Variants in TENM3 observed in about 807,000 individuals in gnomAD.
TENM3 encodes the protein teneurin-3.
A neutral mutation model predicts 255.1 loss-of-function variants in TENM3; 63 were observed. The ratio of observed to expected loss-of-function variants is 0.25; its 90% CI spans 0.20 to 0.30. The LOEUF (loss-of-function observed/expected upper bound fraction) is 0.30, where lower values mean the gene tolerates loss of function less well. Ranked by LOEUF, TENM3 falls within the 10% of genes least tolerant of loss-of-function variation. The probability of loss-of-function intolerance (pLI) is 1.00; values close to 1 mark genes in which losing one functional copy is unlikely to be tolerated. For missense variants in TENM3, 2,929 were observed against 3,461.1 expected, an observed-to-expected ratio of 0.85 and a Z score of 3.86; for synonymous variants, 1,306 against 1,322.3, an observed-to-expected ratio of 0.99 and a Z score of 0.27.
chr4:182,378,349 G>C (rs901403742), intron 3 of TENM3, among the ~76,000 whole-genome samples: 1 of 152,176 alleles, frequency 6.6e-6, no homozygotes, highest in African/African-American at 2.4e-5. Flanking sequence ...GACAGACCTC[G>C]CACAAGTGAA....
In TENM3 at chr4:182,796,656, G is replaced by GAA; in HGVS notation, c.7234_7235insAA (p.Thr2412LysfsTer21). 6.2e-7 allele frequency: 1 copy of GAA among 1,609,638 alleles called. No individual in the cohort carries two copies. The highest frequency in any genetic ancestry group is 8.5e-7 in the Non-Finnish European group (1 of 1,178,058). On this transcript the variant is annotated frameshift_variant, in exon 27 of 28. Transcript: ENST00000511685. LOFTEE classifies it high-confidence loss of function. ...TCCTAGATGTTAACAGCTGGCTGGT[G>GAA]ACATTTGGTTTCCATCTGCACAATG...
chr4:182,527,434 A>C (rs1443126641), intron 3 of TENM3, among the ~76,000 whole-genome samples: 1 of 152,080 alleles, frequency 6.6e-6, no homozygotes, highest in Non-Finnish European at 1.5e-5. Context: ...TTACTAAAAC[A>C]AACCAAAAAA....
At chr4:182,021,493 G>C in the TENM3 span, among the ~76,000 whole-genome samples, 1 of 151,912 alleles carries the variant, frequency 6.6e-6, no homozygotes, top group Non-Finnish European at 1.5e-5. Flanking sequence ...ATCCCCCCCA[G>C]AAAACTTTAA....
intron 4 of TENM3, among the ~76,000 whole-genome samples, chr4:182,613,598 T>C (rs1581102900): frequency 6.6e-6 from 1 of 152,306 alleles, no homozygotes; most frequent in African/African-American, 2.4e-5. Context: ...GTGTGAAAGA[T>C]AGTACAGAAC....
chr4:182,797,781 C>T (rs1284709274), intron 27 of TENM3, among the ~76,000 whole-genome samples: 1 of 152,110 alleles, frequency 6.6e-6, no homozygotes, highest in Non-Finnish European at 1.5e-5. Flanking sequence ...TGCAGACTTT[C>T]TTAGGACAAT....
chr4:181,673,462 A>C, the TENM3 span, among the ~76,000 whole-genome samples: 1 of 152,218 alleles, frequency 6.6e-6, no homozygotes, highest in Non-Finnish European at 1.5e-5. Context: ...GATAAGAATT[A>C]TAATAGAAAT....
chr4:182,195,475 C>CA (rs1032971157), intron 1 of TENM3, among the ~76,000 whole-genome samples: 2 of 151,920 alleles, frequency 1.3e-5, no homozygotes, highest in Non-Finnish European at 2.9e-5. Context: ...CTCGCCTCTA[C>CA]AAAAAATAGA....
At chr4:182,425,918 G>A (rs1157201317) in intron 3 of TENM3, among the ~76,000 whole-genome samples, 2 of 149,160 alleles carry the variant, frequency 1.3e-5, no homozygotes, top group African/African-American at 2.5e-5. Context: ...TGAGGCAGGA[G>A]AATCACTTGA....
chr4:181,927,345 G>A, the TENM3 span, among the ~76,000 whole-genome samples: 18 of 152,274 alleles, frequency 1.2e-4, 1 homozygote, highest in African/African-American at 2.6e-4. Flanking sequence ...AGGGAGCGGC[G>A]TTTGCCATTA....
intron 3 of TENM3, among the ~76,000 whole-genome samples, chr4:182,370,499 T>G (rs2150851172): frequency 6.6e-6 from 1 of 152,306 alleles, no homozygotes; most frequent in South Asian, 2.1e-4. Flanking sequence ...CCTGAATATT[T>G]TAATCAACCT....
intron 22 of TENM3, among the ~76,000 whole-genome samples, chr4:182,765,078 G>GT (rs1468684052): frequency 6.6e-6 from 1 of 152,022 alleles, no homozygotes; most frequent in Non-Finnish European, 1.5e-5. Context: ...CAAAAGATGA[G>GT]TTCCGATTCG....
chr4:182,372,058 A>G (rs1430554232), intron 3 of TENM3, among the ~76,000 whole-genome samples: 3 of 152,244 alleles, frequency 2.0e-5, no homozygotes, highest in African/African-American at 7.2e-5. Flanking sequence ...TGTTATATAG[A>G]TAAATTATGC....
chr4:182,229,303 C>A (rs1048964755), intron 1 of TENM3, among the ~76,000 whole-genome samples: 1 of 152,096 alleles, frequency 6.6e-6, no homozygotes, highest in African/African-American at 2.4e-5. Flanking sequence ...TTTGTAATAA[C>A]TTTGCTTATG....
chr4:181,692,746 T>C, the TENM3 span, among the ~76,000 whole-genome samples: 1 of 152,154 alleles, frequency 6.6e-6, no homozygotes, highest in Non-Finnish European at 1.5e-5. Context: ...CAGGATGGTA[T>C]GCGGGGCATC....
chr4:181,847,813 T>G, the TENM3 span, among the ~76,000 whole-genome samples: 1 of 152,250 alleles, frequency 6.6e-6, no homozygotes, highest in African/African-American at 2.4e-5. Context: ...TTAGAGTTTC[T>G]TTTAAAGATT....
the TENM3 span, among the ~76,000 whole-genome samples, chr4:182,034,432 C>A: frequency 6.6e-6 from 1 of 152,132 alleles, no homozygotes; most frequent in African/African-American, 2.4e-5. Context: ...CATGATGATG[C>A]TAGCTGGTTA....
At chr4:181,634,064 C>T in the TENM3 span, among the ~76,000 whole-genome samples, 11 of 152,158 alleles carry the variant, frequency 7.2e-5, no homozygotes, top group East Asian at 1.9e-4. Flanking sequence ...TCTAACACAT[C>T]GATGGTAGGT....
the TENM3 span, among the ~76,000 whole-genome samples, chr4:182,124,493 C>T: frequency 6.6e-6 from 1 of 152,140 alleles, no homozygotes; most frequent in East Asian, 1.9e-4. Context: ...CTTAAAGCCT[C>T]GAGACTACAG....
the TENM3 span, among the ~76,000 whole-genome samples, chr4:181,937,278 C>T: frequency 2.6e-5 from 4 of 152,214 alleles, no homozygotes; most frequent in African/African-American, 9.6e-5. Flanking sequence ...CTATGGAGGG[C>T]CTCCTAGGCC....
Sources: allele counts gnomAD v4.1 joint callset (sites outside exome capture counted in the v4.1 genomes callset), GRCh38; gene constraint gnomAD v4.1.1; transcripts MANE v1.5; gene names NCBI Gene and HGNC (gene_info 2026-07-23, HGNC 2026-07-21).